Variants in TTC28 observed in about 807,000 individuals in gnomAD.
The protein encoded by TTC28 is tetratricopeptide repeat protein 28.
Under a neutral mutation model 198.0 loss-of-function variants are expected in TTC28, and 61 were observed. That is an observed-to-expected ratio of 0.31 (90% CI 0.25 to 0.38). The LOEUF (loss-of-function observed/expected upper bound fraction) is 0.38, where lower values mean the gene tolerates loss of function less well. Ranked by LOEUF, TTC28 falls within the 10% of genes least tolerant of loss-of-function variation. The pLI, the probability that TTC28 is intolerant of heterozygous loss-of-function variation, is 1.00. For missense variants in TTC28, 2,678 were observed against 3,164.0 expected (o/e 0.85, Z 3.69); for synonymous variants, 1,171 against 1,297.8 (o/e 0.90, Z 2.10).
At chr22:28,574,815 G>T (rs2146036943) in intron 2 of TTC28, among the ~76,000 whole-genome samples, 1 of 152,160 alleles carries the variant, frequency 6.6e-6, no homozygotes, top group Non-Finnish European at 1.5e-5. Context: ...TTTGCCATTT[G>T]TATGTCTTCT....
chr22:28,296,573 G>C (rs929110951), intron 4 of TTC28, among the ~76,000 whole-genome samples: 2 of 152,112 alleles, frequency 1.3e-5, no homozygotes, highest in African/African-American at 4.8e-5. Flanking sequence ...CAGGGACTTA[G>C]GTGTCTTAGA....
chr22:28,085,840 A>G (rs2146826979), intron 12 of TTC28, among the ~76,000 whole-genome samples: 1 of 152,216 alleles, frequency 6.6e-6, no homozygotes, highest in East Asian at 1.9e-4. Flanking sequence ...ATGGAAAACA[A>G]AAAAAGGCAG....
At chr22:28,041,393 C>T (rs1407968562) in intron 12 of TTC28, among the ~76,000 whole-genome samples, 2 of 152,108 alleles carry the variant, frequency 1.3e-5, no homozygotes, top group African/African-American at 4.8e-5. Context: ...ATATATAGAC[C>T]AATGGAACAG....
chr22:28,613,769 A>G (rs1439150324), intron 2 of TTC28, among the ~76,000 whole-genome samples: 1 of 152,238 alleles, frequency 6.6e-6, no homozygotes, highest in Non-Finnish European at 1.5e-5. Flanking sequence ...AACTCTCAAT[A>G]AACTAGGTAT....
At chr22:28,480,097 T>C (rs2048223629) in intron 2 of TTC28, among the ~76,000 whole-genome samples, 1 of 152,080 alleles carries the variant, frequency 6.6e-6, no homozygotes, top group Admixed American at 6.5e-5. Flanking sequence ...ACATGCAGAT[T>C]TTACAAGTCT....
At chr22:28,143,086 C>A (rs135643) in intron 6 of TTC28, among the ~76,000 whole-genome samples, 2,911 of 152,194 alleles carry the variant, frequency 0.019, 28 homozygotes, top group Non-Finnish European at 0.026. Context: ...GAAGCAGGTC[C>A]CTTTCCCTCT....
rs549595267 is a variant in TTC28 at position 28,628,926 on chromosome 22, A to G, written c.381+626T>C. Among the ~76,000 whole-genome samples the G allele has an allele frequency of 3.3e-5, 5 of 152,204 alleles. No individual in the cohort carries two copies. The East Asian group carries it at 9.6e-4, about 29-fold the overall frequency. ...TTGTCTCAGAAAGAAAAAAGGAAAA[A>G]GGAAAAAAGAAAAGGAAAGGAAAGG... is the stretch of plus-strand genomic sequence containing the variant. On this transcript the variant is annotated intron_variant, in intron 2 of 22. Coordinates refer to ENST00000397906, the MANE Select transcript of TTC28 (RefSeq NM_001145418.2).
At chr22:28,029,413 C>A (rs9625388) in intron 13 of TTC28, among the ~76,000 whole-genome samples, 1 of 152,200 alleles carries the variant, frequency 6.6e-6, no homozygotes, top group African/African-American at 2.4e-5. Flanking sequence ...TGCACAGTCA[C>A]TTCCTGCCTG....
chr22:28,003,827 T>A (rs1341965929), intron 14 of TTC28, among the ~76,000 whole-genome samples: 1 of 152,170 alleles, frequency 6.6e-6, no homozygotes, highest in Non-Finnish European at 1.5e-5. Context: ...GTCTGTCTGC[T>A]CCAACACTCC....
At chr22:28,392,281 A>G (rs953986790) in intron 2 of TTC28, among the ~76,000 whole-genome samples, 13 of 152,192 alleles carry the variant, frequency 8.5e-5, no homozygotes, top group African/African-American at 3.1e-4. Context: ...TGCAGAGGTT[A>G]CTGCTGTCTT....
At chr22:28,179,283 C>T (rs1248614685) in intron 5 of TTC28, among the ~76,000 whole-genome samples, 1 of 151,908 alleles carries the variant, frequency 6.6e-6, no homozygotes, top group African/African-American at 2.4e-5. Context: ...CCTCAACCTC[C>T]CAAGTAGCTG....
At chr22:27,996,469 G>T in intron 16 of TTC28, 2 of 676,424 alleles carry the variant, frequency 3.0e-6, no homozygotes, top group Non-Finnish European at 4.8e-6. Context: ...AATCAATATT[G>T]TTCAGCTGTT....
chr22:28,355,055 G>C (rs134505), intron 2 of TTC28, among the ~76,000 whole-genome samples: 1 of 150,438 alleles, frequency 6.6e-6, no homozygotes, highest in African/African-American at 2.4e-5. Context: ...CAAAATAATA[G>C]GCAGTTGAAG....
chr22:28,387,371 G>C (rs1425418855), intron 2 of TTC28, among the ~76,000 whole-genome samples: 1 of 152,226 alleles, frequency 6.6e-6, no homozygotes, highest in East Asian at 1.9e-4. Context: ...TAATGGGATG[G>C]CTGGGTCAAA....
chr22:28,285,110 A>G (rs930128692), intron 5 of TTC28, among the ~76,000 whole-genome samples: 1 of 152,246 alleles, frequency 6.6e-6, no homozygotes, highest in African/African-American at 2.4e-5. Context: ...GAATGGATTC[A>G]GAAAACGGAG....
intron 3 of TTC28, among the ~76,000 whole-genome samples, chr22:28,305,739 C>T (rs1303847440): frequency 6.6e-6 from 1 of 152,074 alleles, no homozygotes; most frequent in Non-Finnish European, 1.5e-5. Context: ...TCCATCACTC[C>T]CCAAAGATAG....
intron 5 of TTC28, among the ~76,000 whole-genome samples, chr22:28,255,899 G>T (rs1930876920): frequency 6.6e-6 from 1 of 152,034 alleles, no homozygotes; most frequent in Non-Finnish European, 1.5e-5. Context: ...TGTTATAGTA[G>T]GATAAGCTAG....
At chr22:28,083,622 A>C (rs1941445450) in intron 12 of TTC28, among the ~76,000 whole-genome samples, 1 of 152,166 alleles carries the variant, frequency 6.6e-6, no homozygotes, top group South Asian at 2.1e-4. Context: ...TTTCCAACTG[A>C]GGTACTGGGT....
chr22:28,002,596 C>A (rs1312640328), intron 14 of TTC28: 2 of 152,030 alleles, frequency 1.3e-5, no homozygotes, highest in African/African-American at 4.8e-5. Flanking sequence ...TCTCTGTAAA[C>A]CCATATGGTT....
Sources: gnomAD v4.1 joint callset for allele counts (sites outside exome capture counted in the v4.1 genomes callset) on GRCh38, gnomAD v4.1.1 for gene constraint, MANE v1.5 for transcripts, NCBI Gene and HGNC (gene_info 2026-07-23, HGNC 2026-07-21) for gene names.